THSD7B: variants seen among roughly 807,000 people sequenced by gnomAD.
THSD7B encodes thrombospondin type 1 domain containing 7B.
In THSD7B, 138 loss-of-function variants were observed where a neutral mutation model predicts 213.6. That is an observed-to-expected ratio of 0.65 (90% CI 0.56 to 0.74). THSD7B has a LOEUF of 0.74. Ranked by LOEUF, THSD7B falls within the 30% of genes least tolerant of loss-of-function variation. The pLI is 0.00. For missense variants in THSD7B, 1,931 were observed against 1,991.5 expected, an observed-to-expected ratio of 0.97 and a Z score of 0.58; for synonymous variants, 742 against 687.0, an observed-to-expected ratio of 1.08 and a Z score of -1.25.
At chr2:137,520,269 T>G (rs1680161048) in intron 15 of THSD7B, among the ~76,000 whole-genome samples, 1 of 152,190 alleles carries the variant, frequency 6.6e-6, no homozygotes, top group Admixed American at 6.5e-5. Flanking sequence ...TTGTCCAGCT[T>G]TATTGTTCTG....
chr2:136,931,848 T>G (rs188901183), intron 2 of THSD7B, among the ~76,000 whole-genome samples: 1 of 152,150 alleles, frequency 6.6e-6, no homozygotes, highest in Non-Finnish European at 1.5e-5. Context: ...GCACATTTAG[T>G]TCAGAGGTTT....
chr2:137,304,848 T>A (rs1274195971), intron 12 of THSD7B, among the ~76,000 whole-genome samples: 1 of 152,122 alleles, frequency 6.6e-6, no homozygotes, highest in East Asian at 1.9e-4. Context: ...TTCATAATAA[T>A]GTAATATTCA....
At chr2:137,624,961 G>C (rs559275556) in intron 20 of THSD7B, among the ~76,000 whole-genome samples, 44 of 152,002 alleles carry the variant, frequency 2.9e-4, no homozygotes, top group East Asian at 2.3e-3. Flanking sequence ...TTGACCCAGC[G>C]ATCCCATTAC....
Position 137,233,547 on chromosome 2 carries a change from C to A in THSD7B, c.2150+414C>A, listed in dbSNP as rs568546155. Reference sequence around the variant, plus strand: ...CTTTAGACTCCACAGATCTCTCCTGCATTAAATAGATACATCCATACAGCC... The same window carrying A: ...CTTTAGACTCCACAGATCTCTCCTGAATTAAATAGATACATCCATACAGCC... On this transcript the variant is annotated intron_variant, in intron 9 of 27. Coordinates refer to ENST00000409968, the MANE Select transcript of THSD7B (RefSeq NM_001316349.2). 2.6e-4 allele frequency among the ~76,000 whole-genome samples: 40 copies of A among 152,284 alleles called. No individual in the cohort carries two copies. In the South Asian group the frequency reaches 5.4e-3, roughly 21 times the overall value.
chr2:137,119,858 A>G (rs1688516834), intron 5 of THSD7B, among the ~76,000 whole-genome samples: 1 of 152,216 alleles, frequency 6.6e-6, no homozygotes, highest in African/African-American at 2.4e-5. Context: ...GTTATGAAAT[A>G]AAGTAATTTA....
chr2:136,896,853 A>T (rs1683967977), intron 2 of THSD7B, among the ~76,000 whole-genome samples: 1 of 152,030 alleles, frequency 6.6e-6, no homozygotes, highest in South Asian at 2.1e-4. Flanking sequence ...ATTAAATGTA[A>T]ATATTAGAGT....
chr2:137,539,613 A>T (rs1680570013), intron 15 of THSD7B, among the ~76,000 whole-genome samples: 1 of 151,736 alleles, frequency 6.6e-6, no homozygotes, highest in Admixed American at 6.6e-5. Context: ...GAATTTACTA[A>T]AATTAAATAT....
chr2:137,527,090 A>G (rs544354257), intron 15 of THSD7B, among the ~76,000 whole-genome samples: 8 of 152,302 alleles, frequency 5.3e-5, no homozygotes, highest in African/African-American at 1.7e-4. Flanking sequence ...GATTAAAATA[A>G]CCAGTGTACT....
intron 2 of THSD7B, among the ~76,000 whole-genome samples, chr2:137,027,149 T>C (rs376970062): frequency 6.6e-6 from 1 of 152,228 alleles, no homozygotes; most frequent in Non-Finnish European, 1.5e-5. Flanking sequence ...GTTACATTAA[T>C]GGTGGCACCA....
rs568059096 is a variant in THSD7B at position 137,667,086 on chromosome 2, T to C, written c.4652-688T>C. On this transcript the variant is annotated intron_variant, in intron 26 of 27. Coordinates refer to ENST00000409968, the MANE Select transcript of THSD7B (RefSeq NM_001316349.2). Reference sequence around the variant, plus strand: ...TGCAAGGTTGTCTCTTAATTATAATTTTCTTTGTTCTTTTTGTCAAATGTT... The same window carrying C: ...TGCAAGGTTGTCTCTTAATTATAATCTTCTTTGTTCTTTTTGTCAAATGTT... Among the ~76,000 whole-genome samples the C allele has an allele frequency of 7.1e-4, 108 of 152,182 alleles. 1 individual carries two copies. Among genetic ancestry groups the C allele is most frequent in the African/African-American group, 2.5e-3 (105 of 41,486 alleles).
intron 17 of THSD7B, among the ~76,000 whole-genome samples, chr2:137,598,578 A>T (rs577160421): frequency 6.6e-6 from 1 of 152,364 alleles, no homozygotes; most frequent in East Asian, 1.9e-4. Context: ...CTAGAGATGC[A>T]TTCACTTTAG....
chr2:137,502,431 G>A (rs1679732690), intron 15 of THSD7B, among the ~76,000 whole-genome samples: 1 of 152,016 alleles, frequency 6.6e-6, no homozygotes, highest in Admixed American at 6.6e-5. Flanking sequence ...AACAACGAGA[G>A]GGAAAGGTCA....
intron 12 of THSD7B, among the ~76,000 whole-genome samples, chr2:137,394,974 G>A (rs1686138102): frequency 1.4e-5 from 2 of 146,970 alleles, no homozygotes; most frequent in African/African-American, 5.2e-5. Flanking sequence ...GTCTGTTATT[G>A]GTGTATAAGA....
chr2:137,378,818 C>T (rs183480847), intron 12 of THSD7B, among the ~76,000 whole-genome samples: 5 of 152,304 alleles, frequency 3.3e-5, no homozygotes, highest in Admixed American at 2.0e-4. Context: ...GACCACAACT[C>T]CTAGCATTCC....
chr2:137,022,557 A>G (rs538293449), intron 2 of THSD7B, among the ~76,000 whole-genome samples: 1 of 151,014 alleles, frequency 6.6e-6, no homozygotes, highest in African/African-American at 2.4e-5. Flanking sequence ...TTTTTTTTTT[A>G]TATGAATAAC....
chr2:137,631,138 C>T lies in THSD7B; in HGVS notation c.3799+10412C>T, dbSNP rs1259290124. The stretch of plus-strand genomic sequence containing the variant: ...TACTTTCTAATTGTGTTAAAGATTT[C>T]AAGGTCAGAACAGTTTGAATCCAAT... On this transcript the variant is annotated intron_variant, in intron 20 of 27. Coordinates refer to ENST00000409968, the MANE Select transcript of THSD7B (RefSeq NM_001316349.2). Among the ~76,000 whole-genome samples, 29 of 152,174 alleles carry T rather than the reference C, an allele frequency of 1.9e-4. 1 individual carries two copies. Among genetic ancestry groups the T allele is most frequent in the Admixed American group, 1.8e-3 (28 of 15,274 alleles).
chr2:136,961,659 T>C (rs1685222279), intron 2 of THSD7B, among the ~76,000 whole-genome samples: 1 of 152,158 alleles, frequency 6.6e-6, no homozygotes, highest in South Asian at 2.1e-4. Flanking sequence ...TTATTACAGA[T>C]TTACTGCTTC....
At chr2:137,617,031 G>GAA (rs113477032) in intron 18 of THSD7B, among the ~76,000 whole-genome samples, 3 of 148,546 alleles carry the variant, frequency 2.0e-5, no homozygotes, top group African/African-American at 4.9e-5. Context: ...TTTTCTGAAA[G>GAA]AAAAAAAAAA....
Position 137,356,584 on chromosome 2 carries a change from C to A in THSD7B, c.2501-49029C>A, listed in dbSNP as rs536975537. Among the ~76,000 whole-genome samples, 3 of 152,284 alleles carry A rather than the reference C, an allele frequency of 2.0e-5. No individual in the cohort carries two copies. In the South Asian group the frequency reaches 6.2e-4, roughly 32 times the overall value. On this transcript the variant is annotated intron_variant, in intron 12 of 27. Coordinates refer to ENST00000409968, the MANE Select transcript of THSD7B (RefSeq NM_001316349.2). ...CCATGACTTGCTTTGGCTAATAGGA[C>A]GTTGGTAATCATGACACAAGCCTAG...
Sources: gnomAD v4.1 joint callset for allele counts (sites outside exome capture counted in the v4.1 genomes callset) on GRCh38, gnomAD v4.1.1 for gene constraint, MANE v1.5 for transcripts, NCBI Gene and HGNC (gene_info 2026-07-23, HGNC 2026-07-21) for gene names.